Variants in TRPM3 observed in about 807,000 individuals in gnomAD.
The protein encoded by TRPM3 is long transient receptor potential channel 3.
Under a neutral mutation model 181.2 loss-of-function variants are expected in TRPM3, and 77 were observed. The ratio of observed to expected loss-of-function variants is 0.42; its 90% CI spans 0.35 to 0.51. The LOEUF (loss-of-function observed/expected upper bound fraction) is 0.51, where lower values mean the gene tolerates loss of function less well. Among genes scored for constraint, TRPM3 ranks in the 20% least tolerant of loss-of-function variants. The pLI is 0.01. For synonymous variants in TRPM3, 745 were observed against 796.4 expected (o/e 0.94, Z 1.09); for missense variants, 1,759 against 2,196.7 (o/e 0.80, Z 3.98).
intron 22 of TRPM3, among the ~76,000 whole-genome samples, chr9:70,562,040 T>G (rs905538401): frequency 1.3e-5 from 2 of 152,240 alleles, no homozygotes; most frequent in Admixed American, 1.3e-4. Flanking sequence ...TTCTGTTTAT[T>G]TTGTGGTTAT....
chr9:70,871,195 C>T lies in TRPM3; in HGVS notation c.178-6684G>A, dbSNP rs115841529. On this transcript the variant is annotated intron_variant, in intron 1 of 25. Coordinates refer to ENST00000677713, the MANE Select transcript of TRPM3 (RefSeq NM_001366145.2). ...GGCAGGGAAACACCTGAAAGATACACTGAGCTAGTAGGCTGTAGTGGGTCT... is the reference window on the plus strand; with the variant it reads ...GGCAGGGAAACACCTGAAAGATACATTGAGCTAGTAGGCTGTAGTGGGTCT... Among the ~76,000 whole-genome samples, 329 of 152,046 alleles carry T rather than the reference C, an allele frequency of 2.2e-3. 1 individual carries two copies. The highest frequency in any genetic ancestry group is 7.6e-3 in the African/African-American group (316 of 41,520).
intron 1 of TRPM3, among the ~76,000 whole-genome samples, chr9:71,207,929 T>C (rs1316155341): frequency 1.3e-5 from 2 of 152,120 alleles, no homozygotes; most frequent in Non-Finnish European, 2.9e-5. Context: ...TATTCTTTGA[T>C]GAGAGTGGTT....
chr9:71,390,917 A>C (rs1369728971), intron 1 of TRPM3, among the ~76,000 whole-genome samples: 1 of 151,986 alleles, frequency 6.6e-6, no homozygotes, highest in East Asian at 1.9e-4. Flanking sequence ...GGAAAATTAT[A>C]GTTCAAGCAA....
chr9:71,030,235 AT>A (rs1421490969), intron 1 of TRPM3, among the ~76,000 whole-genome samples: 6 of 152,202 alleles, frequency 3.9e-5, no homozygotes, highest in Admixed American at 1.3e-4. Flanking sequence ...ATATTTTGCC[AT>A]TGCAAATTAT....
At chr9:71,327,070 G>A (rs924888253) in intron 1 of TRPM3, among the ~76,000 whole-genome samples, 6 of 152,202 alleles carry the variant, frequency 3.9e-5, no homozygotes, top group African/African-American at 1.2e-4. Context: ...CTCAGTTTCC[G>A]TAACTGGACA....
intron 1 of TRPM3, among the ~76,000 whole-genome samples, chr9:71,119,694 T>G (rs778734670): frequency 6.6e-6 from 1 of 152,192 alleles, no homozygotes; most frequent in African/African-American, 2.4e-5. Context: ...TGGAGTTGAA[T>G]TCTTTCAGGG....
chr9:70,669,116 G>A (rs1401693478), intron 9 of TRPM3, among the ~76,000 whole-genome samples: 1 of 152,174 alleles, frequency 6.6e-6, no homozygotes, highest in Non-Finnish European at 1.5e-5. Context: ...GTGTAACTAG[G>A]GGCTGGGGGT....
rs200825220 is a variant in TRPM3, at chr9:71,402,845, A to AT, written c.183+43807dup. Among the ~76,000 whole-genome samples, 137 of 151,144 alleles carry AT rather than the reference A, an allele frequency of 9.1e-4. 1 individual carries two copies. Among genetic ancestry groups the AT allele is most frequent in the South Asian group, 1.5e-3 (7 of 4,754 alleles). ...CACTAATCTTATCAGTGTAGGTCAG[A>AT]TTTTTTTTTAACAGCAATTGAATCA... On this transcript the variant is annotated intron_variant, in intron 1 of 24. Transcript: ENST00000357533.
chr9:70,896,246 T>G (rs1031223942), intron 1 of TRPM3, among the ~76,000 whole-genome samples: 1 of 152,172 alleles, frequency 6.6e-6, no homozygotes, highest in Non-Finnish European at 1.5e-5. Flanking sequence ...AGCTCAAAAA[T>G]TTTGGAGATG....
intron 1 of TRPM3, among the ~76,000 whole-genome samples, chr9:71,104,302 T>G (rs1394275007): frequency 6.6e-6 from 1 of 152,230 alleles, no homozygotes; most frequent in African/African-American, 2.4e-5. Context: ...AACTTCCTGA[T>G]GTTAACTTCA....
chr9:70,811,279 C>T (rs1249419625), intron 6 of TRPM3: 2 of 1,537,920 alleles, frequency 1.3e-6, no homozygotes, highest in African/African-American at 1.4e-5. Flanking sequence ...ATTTCTACAC[C>T]CTGTGGTTGC....
At chr9:70,678,882 C>T (rs1438562443) in intron 9 of TRPM3, among the ~76,000 whole-genome samples, 2 of 152,248 alleles carry the variant, frequency 1.3e-5, no homozygotes, top group African/African-American at 4.8e-5. Context: ...AGCAAAAGTA[C>T]TGTGCTTGAT....
chr9:71,155,919 A>C (rs73647954), intron 1 of TRPM3, among the ~76,000 whole-genome samples: 1,531 of 152,226 alleles, frequency 0.01, 32 homozygotes, highest in African/African-American at 0.036. Flanking sequence ...TCACCCAGGG[A>C]AAGTGTCAAG....
intron 1 of TRPM3, among the ~76,000 whole-genome samples, chr9:71,374,773 A>G (rs1263167978): frequency 6.6e-6 from 1 of 152,226 alleles, no homozygotes; most frequent in Non-Finnish European, 1.5e-5. Context: ...ATTAATGTGC[A>G]GAAATTGCTA....
chr9:70,883,093 T>A (rs990793863), intron 1 of TRPM3, among the ~76,000 whole-genome samples: 3 of 152,050 alleles, frequency 2.0e-5, no homozygotes, highest in Non-Finnish European at 2.9e-5. Context: ...TATAGGGAAG[T>A]TCTCAAACCA....
At chr9:71,062,338 G>A (rs995127377) in intron 1 of TRPM3, among the ~76,000 whole-genome samples, 3 of 151,976 alleles carry the variant, frequency 2.0e-5, no homozygotes, top group African/African-American at 7.2e-5. Context: ...TCAGTTTTAT[G>A]TCTTCATATT....
chr9:71,261,598 T>G (rs962948359), intron 1 of TRPM3, among the ~76,000 whole-genome samples: 1 of 152,246 alleles, frequency 6.6e-6, no homozygotes, highest in East Asian at 1.9e-4. Flanking sequence ...GTTTTTGGAA[T>G]GTTCAGCCTT....
At chr9:70,783,855 C>A in intron 7 of TRPM3, 1 of 1,166,380 alleles carries the variant, frequency 8.6e-7, no homozygotes, top group South Asian at 3.0e-5. Context: ...CAGCCTATGA[C>A]CTCCTCTCTT....
At chr9:70,552,803 A>G (rs1225961739) in intron 24 of TRPM3, 41 bp downstream of exon 24, 2 of 1,606,500 alleles carry the variant, frequency 1.2e-6, no homozygotes, top group African/African-American at 2.7e-5. Flanking sequence ...AGTGGTAGGG[A>G]TTTCTGATTT....
Sources: gnomAD v4.1 joint callset for allele counts (sites outside exome capture counted in the v4.1 genomes callset) on GRCh38, gnomAD v4.1.1 for gene constraint, MANE v1.5 for transcripts, NCBI Gene and HGNC (gene_info 2026-07-23, HGNC 2026-07-21) for gene names.